CCDC7: variants seen among roughly 807,000 people sequenced by gnomAD.
The protein encoded by CCDC7 is coiled-coil domain-containing protein 7.
In CCDC7, 183 loss-of-function variants were observed where a neutral mutation model predicts 196.9. That is an observed-to-expected ratio of 0.93 (90% CI 0.82 to 1.05). The LOEUF is 1.05. Among genes scored for constraint, CCDC7 ranks in the 50% least tolerant of loss-of-function variants. The pLI, the probability that CCDC7 is intolerant of heterozygous loss-of-function variation, is 0.00. For synonymous variants in CCDC7, 525 were observed against 484.6 expected (o/e 1.08, Z -1.10); for missense variants, 1,540 against 1,482.2 (o/e 1.04, Z -0.64).
At chr10:32,803,411 A>G (rs567738463) in intron 29 of CCDC7, among the ~76,000 whole-genome samples, 1 of 152,212 alleles carries the variant, frequency 6.6e-6, no homozygotes, top group South Asian at 2.1e-4. Context: ...CCTGTTTAGA[A>G]CTGGGTTCTC....
At chr10:32,703,219 A>G (rs926304401) in intron 24 of CCDC7, among the ~76,000 whole-genome samples, 6 of 152,038 alleles carry the variant, frequency 3.9e-5, no homozygotes, top group African/African-American at 1.2e-4. Flanking sequence ...GGTGGTGACA[A>G]AATCTCTCAG....
At chr10:32,615,391 C>G (rs956880747) in intron 18 of CCDC7, among the ~76,000 whole-genome samples, 2 of 152,092 alleles carry the variant, frequency 1.3e-5, no homozygotes, top group East Asian at 1.9e-4. Context: ...AAAATGATAT[C>G]TCATTGTGTT....
At chr10:32,626,442 C>T (rs1165156056) in intron 18 of CCDC7, among the ~76,000 whole-genome samples, 2 of 151,534 alleles carry the variant, frequency 1.3e-5, no homozygotes, top group Admixed American at 6.6e-5. Context: ...AATTTAGTTC[C>T]TTATATATTT....
intron 9 of CCDC7, among the ~76,000 whole-genome samples, chr10:32,498,489 C>T (rs2043267785): frequency 6.6e-6 from 1 of 152,142 alleles, no homozygotes; most frequent in Non-Finnish European, 1.5e-5. Context: ...ATGGTCTTTA[C>T]AATTTGGTAT....
intron 3 of CCDC7, among the ~76,000 whole-genome samples, chr10:32,457,909 A>G (rs2034715968): frequency 6.6e-6 from 1 of 151,932 alleles, no homozygotes; most frequent in African/African-American, 2.4e-5. Context: ...AGTTCCTTAT[A>G]TATTTTGAAT....
chr10:32,508,776 G>A (rs140410064), intron 9 of CCDC7, among the ~76,000 whole-genome samples: 6,401 of 150,980 alleles, frequency 0.042, 135 homozygotes, highest in Middle Eastern at 0.055. Context: ...GATTACAAGC[G>A]CCCGCCACCA....
intron 22 of CCDC7, among the ~76,000 whole-genome samples, chr10:32,687,941 C>T (rs2076649022): frequency 6.6e-6 from 1 of 152,198 alleles, no homozygotes; most frequent in Non-Finnish European, 1.5e-5. Context: ...TCAAGCTCTT[C>T]TTTGAGACTT....
intron 28 of CCDC7, among the ~76,000 whole-genome samples, chr10:32,775,655 G>A (rs1486496027): frequency 6.6e-6 from 1 of 152,128 alleles, no homozygotes; most frequent in African/African-American, 2.4e-5. Flanking sequence ...AAATATACCA[G>A]TGATTGGCCC....
At chr10:32,463,633 T>G (rs1215196482) in intron 5 of CCDC7, among the ~76,000 whole-genome samples, 1 of 152,254 alleles carries the variant, frequency 6.6e-6, no homozygotes, top group African/African-American at 2.4e-5. Flanking sequence ...AGTATTATTT[T>G]AGTTCTCATT....
At chr10:32,692,488 G>A (rs1006541865) in intron 23 of CCDC7, among the ~76,000 whole-genome samples, 4 of 152,192 alleles carry the variant, frequency 2.6e-5, no homozygotes, top group African/African-American at 7.2e-5. Context: ...GACTGGCAGA[G>A]TGCCCTGTGG....
intron 37 of CCDC7, among the ~76,000 whole-genome samples, chr10:32,847,345 C>T (rs749982331): frequency 7.2e-5 from 11 of 151,782 alleles, no homozygotes; most frequent in Non-Finnish European, 1.3e-4. Flanking sequence ...TGAAGTGTGA[C>T]CTACACCAAG....
At position 32,594,496 on chromosome 10, in the gene CCDC7, CAG is replaced by C. The variant is rs779866320; in HGVS notation, c.1801+10193_1801+10194del. Among the ~76,000 whole-genome samples, 96 of 152,288 alleles carry C rather than the reference CAG, an allele frequency of 6.3e-4. 1 individual carries two copies. Among genetic ancestry groups the C allele is most frequent in the Non-Finnish European group, 9.4e-4 (64 of 68,020 alleles). On this transcript the variant is annotated intron_variant, in intron 18 of 41. Coordinates refer to ENST00000639629, the Ensembl canonical transcript of CCDC7. ...AATATACAATCATGTCATCTGCAAA[CAG>C]GGGCAATTTGACTTCCTCTTTTCCT...
intron 18 of CCDC7, among the ~76,000 whole-genome samples, chr10:32,633,135 TCTC>T (rs1478612017): frequency 6.6e-6 from 1 of 152,100 alleles, no homozygotes; most frequent in African/African-American, 2.4e-5. Context: ...CTGGAGCTGG[TCTC>T]CTCAATTTGC....
At chr10:32,852,692 G>C (rs570556069) in intron 40 of CCDC7, among the ~76,000 whole-genome samples, 1 of 151,976 alleles carries the variant, frequency 6.6e-6, no homozygotes, top group South Asian at 2.1e-4. Flanking sequence ...ATCCATAAAG[G>C]TTCTAAGTAA....
At chr10:32,788,993 C>A (rs1357547428) in intron 29 of CCDC7, among the ~76,000 whole-genome samples, 2 of 152,164 alleles carry the variant, frequency 1.3e-5, no homozygotes, top group Non-Finnish European at 2.9e-5. Flanking sequence ...CCTTCTCATC[C>A]AGCCACTAGG....
In CCDC7 at chr10:32,492,099, G is replaced by A. The variant is rs1011775281; in HGVS notation, c.872+102G>A. The A allele has an allele frequency of 6.8e-6, 8 of 1,182,488 alleles. No individual in the cohort carries two copies. In the African/African-American group the frequency reaches 1.1e-4, roughly 17 times the overall value. The allele number at this position is 1,182,488 out of a possible 1,614,324, so 73.2% of individuals were successfully genotyped here. On this transcript the variant is annotated intron_variant, in intron 9 of 41. Transcript: ENST00000639629. The stretch of plus-strand genomic sequence containing the variant: ...GTAATATGTTCATTGAAAAAAGTTA[G>A]TACGTGTTTATTGCAGAAATATTGA...
intron 25 of CCDC7, among the ~76,000 whole-genome samples, chr10:32,716,430 G>A (rs2081590450): frequency 6.6e-6 from 1 of 152,228 alleles, no homozygotes; most frequent in Non-Finnish European, 1.5e-5. Flanking sequence ...ACTGGTAGCA[G>A]CCACTGCAAA....
At chr10:32,659,677 A>G (rs567744907) in intron 20 of CCDC7, among the ~76,000 whole-genome samples, 7 of 152,348 alleles carry the variant, frequency 4.6e-5, no homozygotes, top group African/African-American at 1.4e-4. Context: ...AAAGACATGA[A>G]TGGACACTTC....
At chr10:32,602,175 C>A (rs149495275) in intron 18 of CCDC7, among the ~76,000 whole-genome samples, 6,441 of 151,162 alleles carry the variant, frequency 0.043, 461 homozygotes, top group African/African-American at 0.15. Context: ...AAGGAACAAA[C>A]AACTCCAGAT....
Sources: allele counts gnomAD v4.1 joint callset (sites outside exome capture counted in the v4.1 genomes callset), GRCh38; gene constraint gnomAD v4.1.1; transcripts MANE v1.5; gene names NCBI Gene and HGNC (gene_info 2026-07-23, HGNC 2026-07-21).